PCDHA6: variants seen among roughly 807,000 people sequenced by gnomAD.
PCDHA6 encodes protocadherin alpha 6.
PCDHA6 carries 55 observed loss-of-function variants against 60.3 expected under a neutral mutation model. The ratio of observed to expected loss-of-function variants is 0.91; its 90% confidence interval spans 0.73 to 1.14. The LOEUF is 1.14. Among genes scored for constraint, PCDHA6 ranks in the 50% most tolerant of loss-of-function variants. The probability of loss-of-function intolerance (pLI) is 0.00; values close to 1 mark genes in which losing one functional copy is unlikely to be tolerated. For missense variants in PCDHA6, 1,327 were observed against 1,256.5 expected, an observed-to-expected ratio of 1.06 and a Z score of -0.85; for synonymous variants, 652 against 557.9, an observed-to-expected ratio of 1.17 and a Z score of -2.38.
Position 140,848,347 on chromosome 5 carries a change from C to T in PCDHA6, c.2394+17862C>T. On this transcript the variant is annotated intron_variant, in intron 1 of 3. Coordinates refer to ENST00000529310, the MANE Select transcript of PCDHA6 (RefSeq NM_018909.4). ...CTCTCTGAATCCAGACAAATACAGC[C>T]CTTTTCCCATGGGAAAGAGGCTCAA... The T allele has an allele frequency of 5.3e-6, 5 of 935,472 alleles. 1 individual carries two copies. The highest frequency in any genetic ancestry group is 8.2e-6 in the Non-Finnish European group (5 of 611,314). 57.9% of individuals were successfully genotyped at this position (935,472 alleles called of 1,614,324 possible). A position where few individuals can be genotyped will look rare whatever the true frequency, so the allele number is the denominator to read the frequency against.
chr5:140,985,554 A>G (rs1563525071), intron 3 of PCDHA6, among the ~76,000 whole-genome samples: 1 of 152,114 alleles, frequency 6.6e-6, no homozygotes, highest in Non-Finnish European at 1.5e-5. Flanking sequence ...GTTGCTTCCA[A>G]AAGGCTTCTT....
At position 140,829,237 on chromosome 5, in the gene PCDHA6, C is replaced by T. The variant is rs2150164449; in HGVS notation, c.1146C>T (p.Asn382=). 4.3e-5 allele frequency: 70 copies of T among 1,614,146 alleles called. No individual in the cohort carries two copies. Among genetic ancestry groups the T allele is most frequent in the Non-Finnish European group, 4.8e-5 (57 of 1,180,060 alleles). ...ISVNDLDSGA[N]GQVNCSLTPH... ...TGAACGACCTCGATTCAGGTGCCAA[C>T]GGGCAGGTGAACTGCTCGCTGACGC... Residue 382 remains asparagine, a synonymous_variant, in exon 1 of 4, where the codon AAC becomes AAT. Coordinates refer to ENST00000529310, the MANE Select transcript of PCDHA6 (RefSeq NM_018909.4).
chr5:140,877,350 G>A (rs376513441), intron 1 of PCDHA6: 2 of 1,613,896 alleles, frequency 1.2e-6, no homozygotes, highest in African/African-American at 1.3e-5. Flanking sequence ...ACGTGGGGCT[G>A]TACACTGGCG....
At position 140,837,344 on chromosome 5, in the gene PCDHA6, A is replaced by C. The variant is rs138416097; in HGVS notation, c.2394+6859A>C. ...GAAGAATTAATATGAACAATTTAAAATAGTTTAAATGGCAGTTTAATAGTA... is the reference window on the plus strand; with the variant it reads ...GAAGAATTAATATGAACAATTTAAACTAGTTTAAATGGCAGTTTAATAGTA... On this transcript the variant is annotated intron_variant, in intron 1 of 3. Transcript: ENST00000529310. Among the ~76,000 whole-genome samples, 56 of 152,138 alleles carry C rather than the reference A, an allele frequency of 3.7e-4. No individual in the cohort carries two copies. In the East Asian group the frequency reaches 0.01, roughly 28 times the overall value.
rs2150428040 is a variant in PCDHA6, at chr5:140,848,992, C to T, written c.2394+18507C>T. On this transcript the variant is annotated intron_variant, in intron 1 of 3. Coordinates refer to ENST00000529310, the MANE Select transcript of PCDHA6 (RefSeq NM_018909.4). ...TCCGATGCAGATATCGGGGAGAACG[C>T]CCTGCTCACTTACAGACTGAGCCCC... is the stretch of plus-strand genomic sequence containing the variant. The T allele has an allele frequency of 2.5e-6, 4 of 1,597,000 alleles. No individual in the cohort carries two copies. In the African/African-American group the frequency reaches 4.1e-5, roughly 16 times the overall value.
At chr5:140,836,375 C>A (rs373878309) in intron 1 of PCDHA6, 4 of 1,613,712 alleles carry the variant, frequency 2.5e-6, no homozygotes, top group South Asian at 1.1e-5. Context: ...CCACAGCCAC[C>A]GTGCTGGTGT....
In PCDHA6 at chr5:141,011,249, G is replaced by A. The variant is rs1159894108; in HGVS notation, c.*1312G>A. The A allele has an allele frequency of 6.5e-6, 1 of 153,682 alleles. No homozygotes were observed. The highest frequency in any genetic ancestry group is 1.5e-5 in the Non-Finnish European group (1 of 68,038). The allele number at this position is 153,682 out of a possible 1,614,324, so 9.5% of individuals were successfully genotyped here. On this transcript the variant is annotated 3_prime_UTR_variant, in exon 4 of 4. Coordinates refer to ENST00000529310, the MANE Select transcript of PCDHA6 (RefSeq NM_018909.4). ...TACTAATTCTGTGACTTGTCTTGGT[G>A]TGCTAGCCTACACCTTCTCTTTGGT... is the stretch of plus-strand genomic sequence containing the variant.
At position 140,877,186 on chromosome 5, in the gene PCDHA6, A is replaced by C; in HGVS notation, c.2394+46701A>C. On this transcript the variant is annotated intron_variant, in intron 1 of 3. Coordinates refer to ENST00000529310, the MANE Select transcript of PCDHA6 (RefSeq NM_018909.4). The stretch of plus-strand genomic sequence containing the variant: ...GGCACTGCTGGCGACTCCGGCTGGC[A>C]GCGCAGGAGGCGCAGTTAGCGAGTT... 1 of 1,613,832 alleles carries C rather than the reference A, an allele frequency of 6.2e-7. No homozygotes were observed. Among genetic ancestry groups the C allele is most frequent in the Non-Finnish European group, 8.5e-7 (1 of 1,179,822 alleles).
intron 1 of PCDHA6, among the ~76,000 whole-genome samples, chr5:140,909,749 C>T (rs141984152): frequency 6.6e-6 from 1 of 152,114 alleles, no homozygotes; most frequent in African/African-American, 2.4e-5. Context: ...GGGGAAATGA[C>T]CACAGGATGA....
intron 1 of PCDHA6, chr5:140,861,590 GA>G: frequency 2.7e-6 from 1 of 372,284 alleles, no homozygotes; most frequent in South Asian, 2.5e-5. Flanking sequence ...ATGTGGAGGT[GA>G]AAGTGAAGAA....
rs531996502 is a variant in PCDHA6, at chr5:140,944,251, G to A, written c.2395-34698G>A. Among the ~76,000 whole-genome samples the A allele has an allele frequency of 2.2e-4, 33 of 152,302 alleles. No individual in the cohort carries two copies. In the South Asian group the frequency reaches 6.8e-3, roughly 32 times the overall value. On this transcript the variant is annotated intron_variant, in intron 1 of 3. Transcript: ENST00000529310. ...CGCTCAGGCTGGAGTGCAGTGATGT[G>A]ATCACTGCTCACTGCAGCCTTGACA...
At chr5:140,896,071 A>G (rs551803461) in intron 1 of PCDHA6, among the ~76,000 whole-genome samples, 1 of 152,248 alleles carries the variant, frequency 6.6e-6, no homozygotes, top group African/African-American at 2.4e-5. Context: ...TCGGCCTCCC[A>G]ACATGCTGGG....
intron 3 of PCDHA6, among the ~76,000 whole-genome samples, chr5:141,000,409 ATATATATATATATTT>A (rs2097918498): frequency 1.1e-5 from 1 of 94,040 alleles, no homozygotes; most frequent in East Asian, 3.1e-4. Flanking sequence ...ATATATATAT[ATATATATATATATTT>A]TTTTTTTTTT....
At chr5:140,849,200 C>A (rs2150432715) in intron 1 of PCDHA6, 44 of 1,040,882 alleles carry the variant, frequency 4.2e-5, no homozygotes, top group Non-Finnish European at 5.3e-5. Context: ...TACTGGACAA[C>A]AATGACAATG....
intron 1 of PCDHA6, among the ~76,000 whole-genome samples, chr5:140,901,404 G>C (rs1047085666): frequency 6.6e-6 from 1 of 152,166 alleles, no homozygotes; most frequent in East Asian, 1.9e-4. Flanking sequence ...GTGAGAGATA[G>C]GGGTCTAGTT....
chr5:140,850,583 C>T, intron 1 of PCDHA6: 2 of 1,598,412 alleles, frequency 1.3e-6, no homozygotes, highest in South Asian at 1.1e-5. Context: ...TGGTGGATGT[C>T]AACGTGTACC....
chr5:140,876,499 G>C, intron 1 of PCDHA6: 1 of 1,614,028 alleles, frequency 6.2e-7, no homozygotes, highest in South Asian at 1.1e-5. Flanking sequence ...AGTTCTGGAC[G>C]TGAATGACAA....
intron 1 of PCDHA6, chr5:140,877,728 G>A: frequency 1.2e-6 from 2 of 1,614,164 alleles, no homozygotes; most frequent in Non-Finnish European, 1.7e-6. Context: ...CTTACTCGCA[G>A]CAGAGGAGGC....
At chr5:140,926,613 C>T (rs868988407) in intron 1 of PCDHA6, 87 of 374,818 alleles carry the variant, frequency 2.3e-4, no homozygotes, top group Middle Eastern at 2.1e-3. Context: ...GTCTCTGCAC[C>T]CCTAGGCGGC....
Sources: gnomAD v4.1 joint callset for allele counts (sites outside exome capture counted in the v4.1 genomes callset) on GRCh38, gnomAD v4.1.1 for gene constraint, MANE v1.5 for transcripts, NCBI Gene and HGNC (gene_info 2026-07-23, HGNC 2026-07-21) for gene names.